Variants in IQSEC3 observed in about 807,000 individuals in gnomAD.
IQSEC3 encodes IQ motif and SEC7 domain-containing protein 3.
Under a neutral mutation model 105.4 loss-of-function variants are expected in IQSEC3, and 50 were observed. That is an observed-to-expected ratio of 0.47 (90% CI 0.38 to 0.60). The LOEUF (loss-of-function observed/expected upper bound fraction) is 0.60. Ranked by LOEUF, IQSEC3 falls within the 20% of genes least tolerant of loss-of-function variation. The pLI, the probability that IQSEC3 is intolerant of heterozygous loss-of-function variation, is 0.00. For synonymous variants in IQSEC3, 708 were observed against 746.0 expected, an observed-to-expected ratio of 0.95 and a Z score of 0.83; for missense variants, 1,415 against 1,630.0, an observed-to-expected ratio of 0.87 and a Z score of 2.27.
intron 5 of IQSEC3, among the ~76,000 whole-genome samples, chr12:149,457 G>A (rs1176993540): frequency 6.6e-6 from 1 of 152,194 alleles, no homozygotes. Context: ...GTAATCCTGG[G>A]CCGTTGGGTA....
chr12:117,454 G>A (rs1388865737), intron 2 of IQSEC3, among the ~76,000 whole-genome samples: 1 of 152,258 alleles, frequency 6.6e-6, no homozygotes, highest in Non-Finnish European at 1.5e-5. Context: ...CTATGAGGGA[G>A]GCGGTGCCTG....
intron 5 of IQSEC3, among the ~76,000 whole-genome samples, chr12:150,350 A>C (rs1236350943): frequency 6.6e-6 from 1 of 152,238 alleles, no homozygotes; most frequent in Non-Finnish European, 1.5e-5. Flanking sequence ...GAATCTATCA[A>C]ACTAGACATT....
intron 1 of IQSEC3, among the ~76,000 whole-genome samples, chr12:88,462 G>GC (rs1863985028): frequency 6.6e-6 from 1 of 152,316 alleles, no homozygotes; most frequent in East Asian, 1.9e-4. Context: ...GATGGCAGAG[G>GC]CATGGACTAG....
At position 138,141 on chromosome 12, in the gene IQSEC3, C is replaced by CG; in HGVS notation, c.904-125dup. On this transcript the variant is annotated intron_variant, in intron 3 of 13. Transcript: ENST00000538872. The surrounding 1 kb of genome is among the most constrained non-coding windows in gnomAD (Gnocchi z 7.1). ...GGTTCAGACTTTAGCTGCCCAGGAGCGCCCCCCCGCCCCCGTCCATTCCTG... is the reference window on the plus strand; with the variant it reads ...GGTTCAGACTTTAGCTGCCCAGGAGCGGCCCCCCCGCCCCCGTCCATTCCTG... 1 of 799,524 alleles carries CG rather than the reference C, an allele frequency of 1.3e-6. No homozygotes were observed. The highest frequency in any genetic ancestry group is 2.0e-6 in the Non-Finnish European group (1 of 509,026). 49.5% of individuals were successfully genotyped at this position (799,524 alleles called of 1,614,324 possible).
intron 1 of IQSEC3, among the ~76,000 whole-genome samples, chr12:86,501 T>A (rs1863921516): frequency 6.6e-6 from 1 of 152,162 alleles, no homozygotes; most frequent in South Asian, 2.1e-4. Flanking sequence ...GCATTTTAGA[T>A]CTGTTAGCTC....
chr12:171,831 T>C (rs1304298806), intron 13 of IQSEC3, among the ~76,000 whole-genome samples: 3 of 152,256 alleles, frequency 2.0e-5, no homozygotes, highest in African/African-American at 7.2e-5. Context: ...AGTGATAAGC[T>C]GAAGACTGTC....
At chr12:81,119 C>T (rs1318029873) in intron 1 of IQSEC3, among the ~76,000 whole-genome samples, 1 of 152,160 alleles carries the variant, frequency 6.6e-6, no homozygotes, top group Non-Finnish European at 1.5e-5. Context: ...GTCACAAATG[C>T]TGATGGGGCT....
At chr12:126,974 C>T (rs1471720212) in intron 3 of IQSEC3, among the ~76,000 whole-genome samples, 4 of 152,302 alleles carry the variant, frequency 2.6e-5, no homozygotes, top group Admixed American at 6.5e-5. Context: ...ACCAAATCCC[C>T]CAAGATACCC....
chr12:165,484 C>T lies in IQSEC3; in HGVS notation c.2760C>T (p.Cys920=). The stretch of plus-strand genomic sequence containing the variant: ...AGAGCTCCTCCACGTACACCTTTTG[C>T]AAGTCAGTTGGCCTGCTGGGCATGC... The part of the protein sequence containing the change: ...KKKSSSTYTF[C]KSVGLLGMQF... Residue 920 remains cysteine (C), a synonymous_variant, in exon 10 of 14, where the codon TGC becomes TGT. Coordinates refer to ENST00000538872, the MANE Select transcript of IQSEC3 (RefSeq NM_001170738.2). 6.2e-7 allele frequency: 1 copy of T among 1,614,154 alleles called. No homozygotes were observed. Among genetic ancestry groups the T allele is most frequent in the Non-Finnish European group, 8.5e-7 (1 of 1,180,020 alleles).
chr12:91,937 G>C (rs1469751313), intron 1 of IQSEC3, among the ~76,000 whole-genome samples: 1 of 152,138 alleles, frequency 6.6e-6, no homozygotes, highest in Non-Finnish European at 1.5e-5. Flanking sequence ...GCTGCTCCTT[G>C]ATGGCCAAGG....
At chr12:126,987 T>C (rs1236823436) in intron 3 of IQSEC3, among the ~76,000 whole-genome samples, 1 of 152,124 alleles carries the variant, frequency 6.6e-6, no homozygotes, top group South Asian at 2.1e-4. Context: ...AGATACCCTA[T>C]GTGCACATGC....
At chr12:173,880 C>T (rs1369443374) in intron 13 of IQSEC3, among the ~76,000 whole-genome samples, 1 of 152,190 alleles carries the variant, frequency 6.6e-6, no homozygotes, top group Non-Finnish European at 1.5e-5. Flanking sequence ...TCTGGGCCAC[C>T]TCCTCCTGCC....
chr12:124,709 G>A (rs77608598), intron 2 of IQSEC3, among the ~76,000 whole-genome samples: 2,607 of 152,310 alleles, frequency 0.017, 47 homozygotes, highest in African/African-American at 0.048. Context: ...AGCTGCAGTC[G>A]TCCAGGAAGG....
At chr12:132,240 C>A (rs1005917096) in intron 3 of IQSEC3, among the ~76,000 whole-genome samples, 9 of 152,062 alleles carry the variant, frequency 5.9e-5, no homozygotes, top group African/African-American at 2.2e-4. Context: ...TGGGAGAGAA[C>A]ACAAATGAGT....
intron 3 of IQSEC3, among the ~76,000 whole-genome samples, chr12:129,429 G>T (rs1380068933): frequency 6.6e-6 from 1 of 152,018 alleles, no homozygotes; most frequent in Non-Finnish European, 1.5e-5. Flanking sequence ...TGTTCTCCCT[G>T]CTGGCCCCTT....
intron 1 of IQSEC3, among the ~76,000 whole-genome samples, chr12:84,197 G>A (rs1863843986): frequency 6.6e-6 from 1 of 152,236 alleles, no homozygotes; most frequent in South Asian, 2.1e-4. Flanking sequence ...TATGACAGTT[G>A]TTCACGTTGC....
intron 4 of IQSEC3, chr12:140,350 A>C (rs1336825347): frequency 5.3e-5 from 8 of 152,240 alleles, no homozygotes; most frequent in Non-Finnish European, 1.0e-4. Flanking sequence ...CACACGATGA[A>C]ATAGCTAGTA....
chr12:69,976 T>A (rs1411340100), intron 1 of IQSEC3, among the ~76,000 whole-genome samples: 3 of 152,226 alleles, frequency 2.0e-5, no homozygotes, highest in African/African-American at 7.2e-5. Flanking sequence ...CCCTCCCTGG[T>A]ATTGCTCCTG....
At chr12:115,313 T>A (rs564646291) in intron 2 of IQSEC3, among the ~76,000 whole-genome samples, 1 of 152,268 alleles carries the variant, frequency 6.6e-6, no homozygotes, top group East Asian at 1.9e-4. Flanking sequence ...AAACATGTGC[T>A]CTGCTGGGGT....
Sources: allele counts gnomAD v4.1 joint callset (sites outside exome capture counted in the v4.1 genomes callset), GRCh38; gene constraint gnomAD v4.1.1; non-coding constraint Gnocchi (gnomAD v3.1); transcripts MANE v1.5; gene names NCBI Gene and HGNC (gene_info 2026-07-23, HGNC 2026-07-21).